Variants in STX16 observed in about 807,000 individuals in gnomAD.
STX16 encodes syntaxin-16.
STX16 carries 28 observed loss-of-function variants against 42.7 expected under a neutral mutation model. That is an observed-to-expected ratio of 0.66 (90% CI 0.49 to 0.90). The LOEUF is 0.90. Ranked by LOEUF, STX16 falls within the 40% of genes least tolerant of loss-of-function variation. The pLI is 0.00. For missense variants in STX16, 361 were observed against 420.9 expected (o/e 0.86, Z 1.24); for synonymous variants, 156 against 155.2 (o/e 1.00, Z -0.04).
At chr20:58,663,927 C>T (rs1359356469) in intron 2 of STX16, among the ~76,000 whole-genome samples, 3 of 152,204 alleles carry the variant, frequency 2.0e-5, no homozygotes, top group Non-Finnish European at 4.4e-5. Context: ...ATCCGCCTGC[C>T]TCAGCCTCCC....
intron 1 of STX16, among the ~76,000 whole-genome samples, chr20:58,658,943 A>G (rs559594214): frequency 9.9e-5 from 15 of 152,198 alleles, no homozygotes; most frequent in Non-Finnish European, 1.9e-4. Flanking sequence ...ATAATAATAC[A>G]TACCAAGAGA....
intron 7 of STX16, among the ~76,000 whole-genome samples, chr20:58,671,898 C>T (rs6092677): frequency 1.3e-5 from 2 of 152,000 alleles, no homozygotes; most frequent in Admixed American, 1.3e-4. Flanking sequence ...CATAGCAATC[C>T]TAATCAGAAA....
chr20:58,661,139 T>A (rs888184553), intron 2 of STX16, among the ~76,000 whole-genome samples: 1 of 152,128 alleles, frequency 6.6e-6, no homozygotes, highest in Non-Finnish European at 1.5e-5. Flanking sequence ...AGTTTGAAGA[T>A]ATGGAGCTTA....
intron 4 of STX16, among the ~76,000 whole-genome samples, chr20:58,669,054 G>A (rs1312644067): frequency 6.6e-6 from 1 of 152,232 alleles, no homozygotes; most frequent in African/African-American, 2.4e-5. Context: ...CCTGTCTAAC[G>A]TGATGATATG....
chr20:58,675,834 G>T lies in STX16; in HGVS notation c.874-353G>T, dbSNP rs567207947. On this transcript the variant is annotated intron_variant, in intron 8 of 8. Coordinates refer to ENST00000371141, the MANE Select transcript of STX16 (RefSeq NM_001001433.3). ...AACACGGACCGGGAACAGGCGACCCGTGCTGCAGGGGCACTTGCCACGGCC... is the reference window on the plus strand; with the variant it reads ...AACACGGACCGGGAACAGGCGACCCTTGCTGCAGGGGCACTTGCCACGGCC... Among the ~76,000 whole-genome samples, 12 of 152,302 alleles carry T rather than the reference G, an allele frequency of 7.9e-5. No individual in the cohort carries two copies. The South Asian group carries it at 2.5e-3, about 32-fold the overall frequency.
In STX16 at chr20:58,677,782, T is replaced by C. The variant is rs1462088206; in HGVS notation, c.*1491T>C. The C allele has an allele frequency of 2.6e-5, 4 of 152,166 alleles. No individual in the cohort carries two copies. The highest frequency in any genetic ancestry group is 2.0e-4 in the Admixed American group (3 of 15,278). The allele number at this position is 152,166 out of a possible 1,614,324, so 9.4% of individuals were successfully genotyped here. ...AGAAATTTAAACTCAATTCCAGAGA[T>C]TGAAGTTGTCCAAACAGCTCATGGG... On this transcript the variant is annotated 3_prime_UTR_variant, in exon 9 of 9. Coordinates refer to ENST00000371141, the MANE Select transcript of STX16 (RefSeq NM_001001433.3).
intron 1 of STX16, among the ~76,000 whole-genome samples, chr20:58,654,480 C>G (rs1019176838): frequency 1.6e-4 from 25 of 152,152 alleles, no homozygotes; most frequent in African/African-American, 5.8e-4. Context: ...GAAATGCTAA[C>G]AAGACTAAAT....
chr20:58,668,172 A>T, intron 4 of STX16, 45 bp downstream of exon 4: 4 of 1,607,700 alleles, frequency 2.5e-6, no homozygotes, highest in Non-Finnish European at 3.4e-6. Context: ...GAGCCTTCTC[A>T]TGGCAATCTC....
Position 58,669,305 on chromosome 20 carries a change from C to T in STX16, c.408C>T (p.Cys136=). ...TQEITQLFHR[C]QRAVQALPSR... Reference sequence around the variant, plus strand: ...TGTTCTCTTAGCTCTTCCACAGGTGCCAGCGTGCCGTGCAGGCCCTGCCGA... The same window carrying T: ...TGTTCTCTTAGCTCTTCCACAGGTGTCAGCGTGCCGTGCAGGCCCTGCCGA... The change falls in exon 5 of 9, where the codon TGC becomes TGT. Residue 136 remains cysteine (C), a synonymous_variant. Coordinates refer to ENST00000371141, the MANE Select transcript of STX16 (RefSeq NM_001001433.3). The T allele has an allele frequency of 6.2e-7, 1 of 1,611,140 alleles. No individual in the cohort carries two copies. The highest frequency in any genetic ancestry group is 8.5e-7 in the Non-Finnish European group (1 of 1,179,558).
intron 7 of STX16, 38 bp from the exon 8 acceptor site, chr20:58,673,593 C>T (rs757581593): frequency 7.2e-7 from 1 of 1,385,004 alleles, no homozygotes; most frequent in South Asian, 1.2e-5. Flanking sequence ...TTCCCAGTTG[C>T]TATTGTTGAT....
chr20:58,654,614 G>T (rs1284692435), intron 1 of STX16, among the ~76,000 whole-genome samples: 1 of 152,128 alleles, frequency 6.6e-6, no homozygotes, highest in East Asian at 1.9e-4. Context: ...GCTTTTCACT[G>T]CATATCTAGC....
intron 1 of STX16, among the ~76,000 whole-genome samples, chr20:58,654,613 T>C (rs2083546816): frequency 6.6e-6 from 1 of 152,234 alleles, no homozygotes; most frequent in Non-Finnish European, 1.5e-5. Flanking sequence ...TGCTTTTCAC[T>C]GCATATCTAG....
At chr20:58,661,644 A>G (rs972914204) in intron 2 of STX16, among the ~76,000 whole-genome samples, 1 of 152,202 alleles carries the variant, frequency 6.6e-6, no homozygotes, top group African/African-American at 2.4e-5. Context: ...TCGTGCATTC[A>G]TTCCACTCGT....
At chr20:58,658,065 C>G (rs2083618612) in intron 1 of STX16, among the ~76,000 whole-genome samples, 1 of 152,162 alleles carries the variant, frequency 6.6e-6, no homozygotes, top group South Asian at 2.1e-4. Flanking sequence ...CTGATTTCAC[C>G]TCTTATCAAC....
rs781284371 is a variant in STX16 at position 58,676,243 on chromosome 20, C to T, written c.930C>T (p.Val310=). The T allele has an allele frequency of 1.5e-5, 24 of 1,614,176 alleles. No homozygotes were observed. Among genetic ancestry groups the T allele is most frequent in the Admixed American group, 3.3e-5 (2 of 60,026 alleles). Residue 310 remains valine (V), a synonymous_variant, in exon 9 of 9, where the codon GTC becomes GTT. Transcript: ENST00000371141. ...TGCTTGTGATTTTAATATTATTTGT[C>T]ATCATCATTGTGCTCATTGTTGTCC... ...RKMLVILILF[V]IIIVLIVVLV...
At position 58,652,156 on chromosome 20, in the gene STX16, C is replaced by G; in HGVS notation, c.132+18C>G. The G allele has an allele frequency of 1.9e-6, 3 of 1,612,824 alleles. No individual in the cohort carries two copies. Among genetic ancestry groups the G allele is most frequent in the Non-Finnish European group, 2.5e-6 (3 of 1,179,870 alleles). On this transcript the variant is annotated intron_variant, in intron 1 of 8. Coordinates refer to ENST00000371141, the MANE Select transcript of STX16 (RefSeq NM_001001433.3). ...TTGCTGCGGTGAGTCTCCTGGCGGCCTCTCCGACACACGGACCGTGTGCAC... is the reference window on the plus strand; with the variant it reads ...TTGCTGCGGTGAGTCTCCTGGCGGCGTCTCCGACACACGGACCGTGTGCAC...
rs984496280 is a variant in STX16, at chr20:58,672,498, T to TA, written c.793-1123dup. ...ATGTGTATGCAAATATTCCAAAATC[T>TA]AAAAAAAAAATCCCAAATCCAAAAC... On this transcript the variant is annotated intron_variant, in intron 7 of 8. Coordinates refer to ENST00000371141, the MANE Select transcript of STX16 (RefSeq NM_001001433.3). Among the ~76,000 whole-genome samples the TA allele has an allele frequency of 6.9e-3, 1,036 of 149,406 alleles. 4 individuals carry two copies. Among genetic ancestry groups the TA allele is most frequent in the Middle Eastern group, 0.045 (13 of 288 alleles).
Position 58,652,159 on chromosome 20 carries a change from T to TC in STX16, c.132+23dup, listed in dbSNP as rs1363906612. 3 of 1,612,600 alleles carry TC rather than the reference T, an allele frequency of 1.9e-6. No individual in the cohort carries two copies. The African/African-American group carries it at 4.0e-5, about 22-fold the overall frequency. ...CTGCGGTGAGTCTCCTGGCGGCCTC[T>TC]CCGACACACGGACCGTGTGCACTGC... On this transcript the variant is annotated intron_variant, in intron 1 of 8. Transcript: ENST00000371141.
rs1484862730 is a variant in STX16 at position 58,678,400 on chromosome 20, C to G, written c.*2109C>G. 6.6e-6 allele frequency: 1 copy of G among 152,014 alleles called. No homozygotes were observed. Among genetic ancestry groups the G allele is most frequent in the East Asian group, 1.9e-4 (1 of 5,178 alleles). The allele number at this position is 152,014 out of a possible 1,614,324, so 9.4% of individuals were successfully genotyped here. On this transcript the variant is annotated 3_prime_UTR_variant, in exon 9 of 9. Coordinates refer to ENST00000371141, the MANE Select transcript of STX16 (RefSeq NM_001001433.3). ...GGGCTCGGTGGCTCACGCCTGTAAT[C>G]CCAGACTTTGAGAGGCCAAGGCGGT...
Sources: gnomAD v4.1 joint callset for allele counts (sites outside exome capture counted in the v4.1 genomes callset) on GRCh38, gnomAD v4.1.1 for gene constraint, MANE v1.5 for transcripts, NCBI Gene and HGNC (gene_info 2026-07-23, HGNC 2026-07-21) for gene names.